MYO16: variants seen among roughly 807,000 people sequenced by gnomAD.
The protein encoded by MYO16 is myosin XVI, also known as unconventional myosin-XVI.
A neutral mutation model predicts 205.3 loss-of-function variants in MYO16; 94 were observed. The ratio of observed to expected loss-of-function variants is 0.46; its 90% confidence interval spans 0.39 to 0.54. The LOEUF (loss-of-function observed/expected upper bound fraction) is 0.54. Among genes scored for constraint, MYO16 ranks in the 20% least tolerant of loss-of-function variants. MYO16 has a pLI of 0.00. For missense variants in MYO16, 2,315 were observed against 2,387.5 expected, an observed-to-expected ratio of 0.97 and a Z score of 0.63; for synonymous variants, 988 against 954.0, an observed-to-expected ratio of 1.04 and a Z score of -0.66.
intron 1 of MYO16, among the ~76,000 whole-genome samples, chr13:108,653,299 G>A (rs1199350903): frequency 6.6e-6 from 1 of 152,090 alleles, no homozygotes; most frequent in East Asian, 1.9e-4. Context: ...CTCCTATTAG[G>A]TGTATAAGGG....
At chr13:108,861,448 T>C (rs547084004) in intron 11 of MYO16, among the ~76,000 whole-genome samples, 1 of 152,328 alleles carries the variant, frequency 6.6e-6, no homozygotes, top group African/African-American at 2.4e-5. Flanking sequence ...TTGTTTCCAC[T>C]TTTTTAGTAA....
At chr13:108,711,052 C>T (rs1253062859) in intron 2 of MYO16, among the ~76,000 whole-genome samples, 2 of 152,052 alleles carry the variant, frequency 1.3e-5, no homozygotes, top group Non-Finnish European at 2.9e-5. Context: ...GCAAGAGGTG[C>T]CTTCATTTAT....
chr13:108,929,527 G>GAAATGTGCATAACACACCATCAT (rs1268692963), intron 16 of MYO16, among the ~76,000 whole-genome samples: 4 of 152,218 alleles, frequency 2.6e-5, no homozygotes, highest in Non-Finnish European at 5.9e-5. Context: ...GGTAAAGTTG[G>GAAATGTGCATAACACACCATCAT]AAATGTGCAT....
At chr13:109,060,403 A>G (rs1887553004) in intron 27 of MYO16, among the ~76,000 whole-genome samples, 1 of 151,420 alleles carries the variant, frequency 6.6e-6, no homozygotes, top group Admixed American at 6.6e-5. Flanking sequence ...CAAACACTGC[A>G]TGTTCTCACT....
intron 23 of MYO16, among the ~76,000 whole-genome samples, chr13:109,025,725 C>T (rs970200311): frequency 1.3e-5 from 2 of 152,144 alleles, no homozygotes; most frequent in African/African-American, 2.4e-5. Context: ...TGGAGAAAGA[C>T]ATTGGCTCTT....
chr13:108,985,049 A>G (rs1056143131), intron 20 of MYO16, among the ~76,000 whole-genome samples: 1 of 152,248 alleles, frequency 6.6e-6, no homozygotes, highest in Non-Finnish European at 1.5e-5. Flanking sequence ...ATAAGTTTTC[A>G]TTTTGACTTC....
intron 22 of MYO16, among the ~76,000 whole-genome samples, chr13:109,014,598 G>A (rs565948742): frequency 1.3e-5 from 2 of 152,290 alleles, no homozygotes; most frequent in Middle Eastern, 3.4e-3. Context: ...CTATCCATGA[G>A]CATTGGAATG....
At chr13:108,640,943 A>G (rs1274700343) in intron 1 of MYO16, among the ~76,000 whole-genome samples, 3 of 152,308 alleles carry the variant, frequency 2.0e-5, no homozygotes, top group Middle Eastern at 3.4e-3. Flanking sequence ...TGGCAGTACT[A>G]TGAAAACCTG....
In MYO16 at chr13:109,141,417, G is replaced by C. The variant is rs1877092190; in HGVS notation, c.5164+41G>C. 5.4e-6 allele frequency: 7 copies of C among 1,299,974 alleles called. No individual in the cohort carries two copies. The South Asian group carries it at 6.4e-5, about 12-fold the overall frequency. 80.5% of individuals were successfully genotyped at this position (1,299,974 alleles called of 1,614,324 possible). The stretch of plus-strand genomic sequence containing the variant: ...ATCCCCCCACTCCTTTTGCATGGAC[G>C]CTGTGCTTGCGTGCACCTGTGTACA... On this transcript the variant is annotated intron_variant, in intron 32 of 34. Coordinates refer to ENST00000457511, the MANE Select transcript of MYO16 (RefSeq NM_001198950.3). This position sits in a 1 kb window ranked among gnomAD's most constrained non-coding sequence, Gnocchi z 4.1.
chr13:108,560,240 A>G, the MYO16 span, among the ~76,000 whole-genome samples: 36 of 152,330 alleles, frequency 2.4e-4, no homozygotes, highest in African/African-American at 8.2e-4. Flanking sequence ...GCAGTTCACC[A>G]TACACTGGGA....
At chr13:108,987,999 T>A (rs753837504) in intron 20 of MYO16, among the ~76,000 whole-genome samples, 1 of 152,234 alleles carries the variant, frequency 6.6e-6, no homozygotes, top group Admixed American at 6.5e-5. Context: ...TTTACTAATA[T>A]GTCAATGCAA....
intron 23 of MYO16, among the ~76,000 whole-genome samples, chr13:109,033,562 A>G (rs931682627): frequency 6.6e-6 from 1 of 152,150 alleles, no homozygotes; most frequent in African/African-American, 2.4e-5. Context: ...GAAAATGGAA[A>G]ATTATTGAGG....
intron 4 of MYO16, among the ~76,000 whole-genome samples, chr13:108,748,369 A>T (rs1015210228): frequency 5.9e-5 from 9 of 152,070 alleles, no homozygotes; most frequent in Non-Finnish European, 5.9e-5. Context: ...CTTAGAGAGA[A>T]ATTTATAGCA....
chr13:108,972,249 C>CTCTCTCTCTATATA (rs1178345437), intron 20 of MYO16, among the ~76,000 whole-genome samples: 9 of 2,852 alleles, frequency 3.2e-3, no homozygotes, highest in Non-Finnish European at 3.5e-3. Flanking sequence ...CTCTCTCTCT[C>CTCTCTCTCTATATA]TATATATATA....
intron 31 of MYO16, among the ~76,000 whole-genome samples, chr13:109,129,636 C>T (rs1040913370): frequency 2.0e-5 from 3 of 151,960 alleles, no homozygotes; most frequent in East Asian, 3.9e-4. Flanking sequence ...TGGCAGCTTG[C>T]GTGAGGAAGA....
intron 2 of MYO16, among the ~76,000 whole-genome samples, chr13:108,669,280 A>T (rs1380122856): frequency 1.3e-5 from 2 of 152,082 alleles, no homozygotes; most frequent in Admixed American, 1.3e-4. Flanking sequence ...TTATTGATCA[A>T]GCAGGAGGAA....
intron 33 of MYO16, among the ~76,000 whole-genome samples, chr13:109,178,656 G>A (rs767322027): frequency 3.2e-4 from 48 of 151,988 alleles, no homozygotes; most frequent in Non-Finnish European, 6.5e-4. Context: ...GATGCATTGC[G>A]CCTGTATCAC....
intron 7 of MYO16, among the ~76,000 whole-genome samples, chr13:108,808,970 T>A (rs957198673): frequency 6.6e-6 from 1 of 152,158 alleles, no homozygotes; most frequent in African/African-American, 2.4e-5. Context: ...AGAGAATTAG[T>A]GGCTATCAGT....
chr13:108,775,370 G>T (rs1456973051), intron 4 of MYO16, among the ~76,000 whole-genome samples: 2 of 152,122 alleles, frequency 1.3e-5, no homozygotes, highest in African/African-American at 4.8e-5. Context: ...TTTTGGAAGA[G>T]AAAAATTATA....
Sources: gnomAD v4.1 joint callset for allele counts (sites outside exome capture counted in the v4.1 genomes callset) on GRCh38, gnomAD v4.1.1 for gene constraint, Gnocchi (gnomAD v3.1) non-coding constraint, MANE v1.5 for transcripts, NCBI Gene and HGNC (gene_info 2026-07-23, HGNC 2026-07-21) for gene names.